Variants in HSPG2 observed in about 807,000 individuals in gnomAD.
HSPG2 encodes basement membrane-specific heparan sulfate proteoglycan core protein.
In HSPG2, 278 loss-of-function variants were observed where a neutral mutation model predicts 526.6. The ratio of observed to expected loss-of-function variants is 0.53; its 90% confidence interval spans 0.48 to 0.58. The LOEUF (loss-of-function observed/expected upper bound fraction) is 0.58, where lower values mean the gene tolerates loss of function less well. Ranked by LOEUF, HSPG2 falls within the 20% of genes least tolerant of loss-of-function variation. The pLI is 0.00. For missense variants in HSPG2, 5,354 were observed against 6,099.5 expected (o/e 0.88, Z 4.07); for synonymous variants, 2,465 against 2,555.4 (o/e 0.96, Z 1.07).
At chr1:21,917,259 C>T (rs193033719) in intron 1 of HSPG2, among the ~76,000 whole-genome samples, 2 of 151,556 alleles carry the variant, frequency 1.3e-5, no homozygotes, top group African/African-American at 4.8e-5. Context: ...ATGGCGAGAC[C>T]CCGTCTCTAT....
chr1:21,824,246 C>T lies in HSPG2; in HGVS notation c.12816-42G>A. The T allele has an allele frequency of 6.2e-7, 1 of 1,613,158 alleles. No homozygotes were observed. Among genetic ancestry groups the T allele is most frequent in the East Asian group, 2.2e-5 (1 of 44,870 alleles). ...CCAAGAAGTATGAGCTGGGGCAGGA[C>T]CGGGGGGTGGGGTGCTGGGACCAGG... On this transcript the variant is annotated intron_variant, in intron 94 of 96. Transcript: ENST00000374695. The surrounding 1 kb of genome is among the most constrained non-coding windows in gnomAD (Gnocchi z 5.9).
intron 6 of HSPG2, among the ~76,000 whole-genome samples, chr1:21,889,596 C>T (rs1196586581): frequency 6.6e-6 from 1 of 152,118 alleles, no homozygotes; most frequent in Non-Finnish European, 1.5e-5. Context: ...AATAACATCT[C>T]CTTCATAGGA....
Position 21,849,519 on chromosome 1 carries a change from C to T in HSPG2, c.7447-488G>A, listed in dbSNP as rs781129020. 7.9e-5 allele frequency among the ~76,000 whole-genome samples: 12 copies of T among 152,198 alleles called. 1 individual carries two copies. Among genetic ancestry groups the T allele is most frequent in the Non-Finnish European group, 1.8e-4 (12 of 68,042 alleles). On this transcript the variant is annotated intron_variant, in intron 57 of 96. Coordinates refer to ENST00000374695, the MANE Select transcript of HSPG2 (RefSeq NM_005529.7). ...CAGTGTCTCCAAAATCAAGATGCAT[C>T]TACAATGAATAACCTTACAAATGGA...
intron 1 of HSPG2, chr1:21,908,077 A>G: frequency 2.6e-6 from 2 of 762,332 alleles, no homozygotes; most frequent in South Asian, 1.3e-5. Context: ...CGGAACCGCC[A>G]TCTTCCAGTA....
rs1260411344 is a variant in HSPG2, at chr1:21,842,936, G to C, written c.8759-15C>G. 6.2e-7 allele frequency: 1 copy of C among 1,613,978 alleles called. No homozygotes were observed. The highest frequency in any genetic ancestry group is 1.1e-5 in the South Asian group (1 of 91,080). Reference sequence around the variant, plus strand: ...CAGTCCTGGAGCTGTGGGCACAGGGGGTGGGTGAGAGAGGCCAGGCTCCGG... The same window carrying C: ...CAGTCCTGGAGCTGTGGGCACAGGGCGTGGGTGAGAGAGGCCAGGCTCCGG... On this transcript the variant is annotated splice_polypyrimidine_tract_variant and intron_variant, in intron 66 of 96. Coordinates refer to ENST00000374695, the MANE Select transcript of HSPG2 (RefSeq NM_005529.7).
chr1:21,928,686 C>CA (rs1644269774), intron 1 of HSPG2, among the ~76,000 whole-genome samples: 1 of 152,036 alleles, frequency 6.6e-6, no homozygotes, highest in African/African-American at 2.4e-5. Context: ...CAAGTATCTG[C>CA]TCACCTCAGC....
Position 21,893,408 on chromosome 1 carries a change from C to T in HSPG2, c.244+2514G>A, listed in dbSNP as rs994730690. Reference sequence around the variant, plus strand: ...TGTCCTGGGCAGGGGCAGTGGCTGGCCTAGCCCCTGGACTCTGCAGGGAGG... The same window carrying T: ...TGTCCTGGGCAGGGGCAGTGGCTGGTCTAGCCCCTGGACTCTGCAGGGAGG... On this transcript the variant is annotated intron_variant, in intron 3 of 96. Coordinates refer to ENST00000374695, the MANE Select transcript of HSPG2 (RefSeq NM_005529.7). This position sits in a 1 kb window ranked among gnomAD's most constrained non-coding sequence, Gnocchi z 4.3. 6.6e-6 allele frequency among the ~76,000 whole-genome samples: 1 copy of T among 152,338 alleles called. No individual in the cohort carries two copies. Among genetic ancestry groups the T allele is most frequent in the East Asian group, 1.9e-4 (1 of 5,180 alleles).
chr1:21,837,528 A>G (rs1225491768), intron 74 of HSPG2, among the ~76,000 whole-genome samples: 1 of 151,860 alleles, frequency 6.6e-6, no homozygotes, highest in Non-Finnish European at 1.5e-5. Flanking sequence ...AGCTCAGGCA[A>G]TCTGCCTGCC....
chr1:21,889,833 G>C lies in HSPG2; in HGVS notation c.574+148C>G, dbSNP rs187086357. The C allele has an allele frequency of 1.1e-3, 937 of 824,288 alleles. 5 individuals are homozygous for C. Among genetic ancestry groups the C allele is most frequent in the Non-Finnish European group, 1.6e-3 (788 of 480,142 alleles). 51.1% of individuals were successfully genotyped at this position (824,288 alleles called of 1,614,324 possible). On this transcript the variant is annotated intron_variant, in intron 6 of 96. Transcript: ENST00000374695. ...GTCTGTGCTCTACCAAGCCAAGATT[G>C]TGTAAAGATCGATGGGGCAGACTCA...
intron 1 of HSPG2, among the ~76,000 whole-genome samples, chr1:21,912,247 T>C (rs917318050): frequency 6.6e-6 from 1 of 152,014 alleles, no homozygotes; most frequent in Non-Finnish European, 1.5e-5. Flanking sequence ...ATCTGTAAAA[T>C]GGGAATAAAA....
chr1:21,871,254 A>G (rs1572299794), intron 33 of HSPG2, among the ~76,000 whole-genome samples: 1 of 85,642 alleles, frequency 1.2e-5, no homozygotes, highest in Non-Finnish European at 2.3e-5. Context: ...CTGGCAGAGT[A>G]TTTGTTTTTT....
chr1:21,842,519 C>T, intron 67 of HSPG2, 139 bp from the exon 68 acceptor site: 1 of 1,110,560 alleles, frequency 9.0e-7, no homozygotes, highest in East Asian at 2.6e-5. Flanking sequence ...AAGCTTCATT[C>T]ACAGAATCCT....
rs1047589508 is a variant in HSPG2 at position 21,890,825 on chromosome 1, C to G, written c.245-131G>C. ...TCCCTCGAGGCTGACACCTGTGTGC[C>G]CACTGCTACACCCAGGACTGCCTGT... is the stretch of plus-strand genomic sequence containing the variant. On this transcript the variant is annotated intron_variant, in intron 3 of 96. Coordinates refer to ENST00000374695, the MANE Select transcript of HSPG2 (RefSeq NM_005529.7). This position sits in a 1 kb window ranked among gnomAD's most constrained non-coding sequence, Gnocchi z 4.1. 45 of 720,142 alleles carry G rather than the reference C, an allele frequency of 6.2e-5. No homozygotes were observed. The highest frequency in any genetic ancestry group is 9.5e-5 in the Non-Finnish European group (38 of 401,976). The allele number at this position is 720,142 out of a possible 1,614,324, so 44.6% of individuals were successfully genotyped here. A position where few individuals can be genotyped will look rare whatever the true frequency, so the allele number is the denominator to read the frequency against.
chr1:21,880,481 G>A lies in HSPG2; in HGVS notation c.2077C>T (p.Leu693Phe), dbSNP rs1641409152. The A allele has an allele frequency of 6.2e-7, 1 of 1,613,704 alleles. No homozygotes were observed. Among genetic ancestry groups the A allele is most frequent in the South Asian group, 1.1e-5 (1 of 91,078 alleles). ...LQVLQSLEAV[L>F]IQTVYNTKMA... ...TTGGTGTTGTACACGGTCTGGATGA[G>A]CACGGCCTCCAGGCTCTGCAGCACC... Residue 693 changes from leucine to phenylalanine, a missense_variant, in exon 16 of 97, where the codon CTC (leucine) becomes TTC (phenylalanine). Leu to Phe is a conservative substitution (Grantham distance 22). Coordinates refer to ENST00000374695, the MANE Select transcript of HSPG2 (RefSeq NM_005529.7).
chr1:21,833,929 A>G lies in HSPG2; in HGVS notation c.10721-4T>C. On this transcript the variant is annotated splice_polypyrimidine_tract_variant and splice_region_variant and intron_variant, in intron 77 of 96. Coordinates refer to ENST00000374695, the MANE Select transcript of HSPG2 (RefSeq NM_005529.7). ...GGCATTGAGATCTGGGGCAAGGCTG[A>G]GAGGCATGGAAGAGACATAGGCCAT... 1 of 1,569,468 alleles carries G rather than the reference A, an allele frequency of 6.4e-7. No individual in the cohort carries two copies. Among genetic ancestry groups the G allele is most frequent in the Non-Finnish European group, 8.7e-7 (1 of 1,154,918 alleles).
At chr1:21,843,209 T>A in intron 66 of HSPG2, 88 bp downstream of exon 66, 1 of 1,577,492 alleles carries the variant, frequency 6.3e-7, no homozygotes. Flanking sequence ...CAACAATAAG[T>A]GCCCGGCTGG....
In HSPG2 at chr1:21,930,634, C is replaced by T. The variant is rs547490744; in HGVS notation, c.63+6521G>A. Among the ~76,000 whole-genome samples the T allele has an allele frequency of 1.6e-4, 25 of 152,140 alleles. No individual in the cohort carries two copies. In the East Asian group the frequency reaches 4.3e-3, roughly 26 times the overall value. ...ACTAAAAATACAAAAATTAGCTGGA[C>T]GTGGTGGCGTGTTCCTGTAATCCCA... On this transcript the variant is annotated intron_variant, in intron 1 of 96. Transcript: ENST00000374695.
chr1:21,884,409 G>T, intron 13 of HSPG2, 119 bp downstream of exon 13: 1 of 1,359,956 alleles, frequency 7.4e-7, no homozygotes, highest in Non-Finnish European at 1.0e-6. Context: ...TGTTTCTTCA[G>T]CGACTCACAT....
Position 21,824,222 on chromosome 1 carries a change from C to T in HSPG2, c.12816-18G>A. ...GCTGGTACCTGCAGTCATCCAGGCC[C>T]AAGAAGTATGAGCTGGGGCAGGACC... is the stretch of plus-strand genomic sequence containing the variant. On this transcript the variant is annotated intron_variant, in intron 94 of 96. Coordinates refer to ENST00000374695, the MANE Select transcript of HSPG2 (RefSeq NM_005529.7). This position sits in a 1 kb window ranked among gnomAD's most constrained non-coding sequence, Gnocchi z 5.9. The T allele has an allele frequency of 6.2e-7, 1 of 1,613,670 alleles. No individual in the cohort carries two copies. Among genetic ancestry groups the T allele is most frequent in the East Asian group, 2.2e-5 (1 of 44,854 alleles).
Sources: allele counts gnomAD v4.1 joint callset (sites outside exome capture counted in the v4.1 genomes callset), GRCh38; gene constraint gnomAD v4.1.1; non-coding constraint Gnocchi (gnomAD v3.1); transcripts MANE v1.5; gene names NCBI Gene and HGNC (gene_info 2026-07-23, HGNC 2026-07-21).